DCUN1D2: variants seen among roughly 807,000 people sequenced by gnomAD.
DCUN1D2 encodes the protein DCN1-like protein 2.
Under a neutral mutation model 30.9 loss-of-function variants are expected in DCUN1D2, and 29 were observed. The observed-to-expected ratio is 0.94, with a 90% CI of 0.70 to 1.28. The LOEUF is 1.28. Among genes scored for constraint, DCUN1D2 ranks in the 50% most tolerant of loss-of-function variants. The pLI is 0.00. For synonymous variants in DCUN1D2, 121 were observed against 115.3 expected (o/e 1.05, Z -0.32); for missense variants, 325 against 316.9 (o/e 1.03, Z -0.19).
chr13:113,460,981 G>A (rs1392339536), intron 5 of DCUN1D2, 73 bp downstream of exon 5: 6 of 909,440 alleles, frequency 6.6e-6, no homozygotes, highest in Non-Finnish European at 1.0e-5. Flanking sequence ...TGAGGTGGAT[G>A]ATTACATGCA....
At chr13:113,483,760 C>T in intron 2 of DCUN1D2, 80 bp downstream of exon 2, 2 of 1,425,906 alleles carry the variant, frequency 1.4e-6, no homozygotes, top group South Asian at 1.2e-5. Context: ...CCTGCCCCGG[C>T]ACCAGAACCC....
In DCUN1D2 at chr13:113,484,043, G is replaced by A. The variant is rs369549872; in HGVS notation, c.17C>T (p.Ser6Leu). The change falls in exon 2 of 7, where the codon TCG becomes TTG. Residue 6 changes from serine to leucine, a missense_variant. Physicochemically the swap from Ser to Leu is moderately radical, Grantham distance 145 (BLOSUM62 -2). Transcript: ENST00000478244. MHKLK[S>L]SQKDKVRQFM... ...CTGGCGGACCTTGTCCTTCTGAGAC[G>A]ATTTAAGCTTATGCTTTGGGATGCA... is the stretch of plus-strand genomic sequence containing the variant. 494 of 1,613,624 alleles carry A rather than the reference G, an allele frequency of 3.1e-4. No individual in the cohort carries two copies. Among genetic ancestry groups the A allele is most frequent in the Non-Finnish European group, 3.8e-4 (452 of 1,179,978 alleles).
In DCUN1D2 at chr13:113,490,699, C is replaced by T. The variant is rs2044957596; in HGVS notation, c.-30G>A. 8.2e-7 allele frequency: 1 copy of T among 1,218,000 alleles called. No homozygotes were observed. Among genetic ancestry groups the T allele is most frequent in the Admixed American group, 4.3e-5 (1 of 23,022 alleles). The allele number at this position is 1,218,000 out of a possible 1,614,324, so 75.4% of individuals were successfully genotyped here. On this transcript the variant is annotated 5_prime_UTR_variant, in exon 1 of 7. Transcript: ENST00000478244. The surrounding 1 kb of genome is among the most constrained non-coding windows in gnomAD (Gnocchi z 5.2). The stretch of plus-strand genomic sequence containing the variant: ...CCCGCGCCGCCCGCTTCTGGCCGGC[C>T]CCGGCCTTCTGCGCAGGCGCGGCGG...
chr13:113,481,753 TCAC>T (rs2044713046), intron 2 of DCUN1D2, among the ~76,000 whole-genome samples: 2 of 151,744 alleles, frequency 1.3e-5, no homozygotes, highest in Non-Finnish European at 2.9e-5. Flanking sequence ...GCGGGGTGGC[TCAC>T]GCCTATAGTC....
intron 4 of DCUN1D2, among the ~76,000 whole-genome samples, chr13:113,463,734 A>G (rs2044355941): frequency 6.6e-6 from 1 of 152,072 alleles, no homozygotes; most frequent in Non-Finnish European, 1.5e-5. Flanking sequence ...ACAGATACAC[A>G]TAGACACACA....
chr13:113,466,797 T>G (rs1437748665), intron 4 of DCUN1D2, among the ~76,000 whole-genome samples: 1 of 143,978 alleles, frequency 6.9e-6, no homozygotes, highest in African/African-American at 2.8e-5. Context: ...TCACTGTCCT[T>G]TGGATTTTTT....
rs1045915334 is a variant in DCUN1D2, at chr13:113,456,118, A to C, written c.*1911T>G. On this transcript the variant is annotated 3_prime_UTR_variant, in exon 7 of 7. Coordinates refer to ENST00000478244, the MANE Select transcript of DCUN1D2 (RefSeq NM_001014283.2). ...GCTCACGTTTTTGAGGTTTGTATTA[A>C]TGCCAGTTTTTATTGTATTAGACAA... 2.5e-6 allele frequency: 1 copy of C among 398,274 alleles called. No individual in the cohort carries two copies. Among genetic ancestry groups the C allele is most frequent in the South Asian group, 1.3e-4 (1 of 7,610 alleles). 24.7% of individuals were successfully genotyped at this position (398,274 alleles called of 1,614,324 possible).
chr13:113,474,426 T>TG (rs1033428965), intron 3 of DCUN1D2, among the ~76,000 whole-genome samples, 172 bp from the exon 4 acceptor site: 12 of 152,058 alleles, frequency 7.9e-5, no homozygotes, highest in African/African-American at 2.2e-4. Context: ...TAAGAGAAGA[T>TG]GGGGGGGCAA....
chr13:113,490,634 C>A lies in DCUN1D2; in HGVS notation c.3+33G>T, dbSNP rs1268373512. On this transcript the variant is annotated intron_variant, in intron 1 of 6. Transcript: ENST00000478244. The surrounding 1 kb of genome is among the most constrained non-coding windows in gnomAD (Gnocchi z 5.2). ...CTTGGGGCCCGACCCCGACCCCGAC[C>A]CCGACGGGCAGAGGCGACGCCGGGC... 1.6e-6 allele frequency: 2 copies of A among 1,231,222 alleles called. No individual in the cohort carries two copies. The highest frequency in any genetic ancestry group is 2.0e-6 in the Non-Finnish European group (2 of 987,590). 76.3% of individuals were successfully genotyped at this position (1,231,222 alleles called of 1,614,324 possible).
chr13:113,485,384 T>C (rs1199205462), intron 1 of DCUN1D2, among the ~76,000 whole-genome samples: 1 of 152,180 alleles, frequency 6.6e-6, no homozygotes, highest in African/African-American at 2.4e-5. Context: ...GTGCCATTAG[T>C]ACAAGGACGT....
chr13:113,478,588 T>C (rs1461125699), intron 3 of DCUN1D2, among the ~76,000 whole-genome samples: 1 of 152,164 alleles, frequency 6.6e-6, no homozygotes, highest in Non-Finnish European at 1.5e-5. Flanking sequence ...ATTTTCAGCC[T>C]TTCCTTCTTT....
At chr13:113,481,862 T>C (rs1250725513) in intron 2 of DCUN1D2, among the ~76,000 whole-genome samples, 8 of 81,966 alleles carry the variant, frequency 9.8e-5, no homozygotes, top group African/African-American at 2.5e-4. Flanking sequence ...CCAGCCTGGG[T>C]GACAAAAAAA....
intron 5 of DCUN1D2, 49 bp from the exon 6 acceptor site, chr13:113,459,457 T>A (rs775552426): frequency 2.4e-6 from 2 of 836,470 alleles, no homozygotes; most frequent in South Asian, 2.8e-5. Context: ...AATACAGAGC[T>A]TAACTCTCAT....
chr13:113,489,302 CCT>C (rs1275158360), intron 1 of DCUN1D2: 1 of 236,412 alleles, frequency 4.2e-6, no homozygotes, highest in Non-Finnish European at 6.9e-6. Context: ...CCACTCTGCC[CCT>C]GTCCTCCTAA....
intron 1 of DCUN1D2, among the ~76,000 whole-genome samples, chr13:113,489,605 C>T (rs1289559175): frequency 2.0e-5 from 3 of 152,052 alleles, no homozygotes; most frequent in African/African-American, 7.2e-5. Flanking sequence ...CCCTCCACTC[C>T]CCTCTACACG....
At position 113,490,382 on chromosome 13, in the gene DCUN1D2, C is replaced by A; in HGVS notation, c.3+285G>T. On this transcript the variant is annotated intron_variant, in intron 1 of 6. Coordinates refer to ENST00000478244, the MANE Select transcript of DCUN1D2 (RefSeq NM_001014283.2). This position sits in a 1 kb window ranked among gnomAD's most constrained non-coding sequence, Gnocchi z 5.2. The stretch of plus-strand genomic sequence containing the variant: ...GGCCTGGGTTCCCGCTCGGCCCCGG[C>A]CCCTGCCCCAAGGCCCCTACAGTTC... The A allele has an allele frequency of 3.3e-6, 1 of 306,472 alleles. No individual in the cohort carries two copies. The highest frequency in any genetic ancestry group is 6.0e-6 in the Non-Finnish European group (1 of 167,428). 19.0% of individuals were successfully genotyped at this position (306,472 alleles called of 1,614,324 possible). A position where few individuals can be genotyped will look rare whatever the true frequency, so the allele number is the denominator to read the frequency against.
At chr13:113,484,314 A>G in intron 1 of DCUN1D2, 1 of 630,034 alleles carries the variant, frequency 1.6e-6, no homozygotes, top group Non-Finnish European at 2.4e-6. Flanking sequence ...TTCACTCTGC[A>G]TGAAGTGTGA....
At chr13:113,476,023 C>G (rs969901246) in intron 3 of DCUN1D2, 1 of 152,204 alleles carries the variant, frequency 6.6e-6, no homozygotes, top group Non-Finnish European at 1.5e-5. Context: ...TTGTGATGTC[C>G]GAGAGGTTCG....
chr13:113,482,372 A>G (rs914508687), intron 2 of DCUN1D2, among the ~76,000 whole-genome samples: 3 of 152,236 alleles, frequency 2.0e-5, no homozygotes, highest in Admixed American at 6.5e-5. Context: ...TATATATTTA[A>G]ATAACTTTTA....
Sources: gnomAD v4.1 joint callset for allele counts (sites outside exome capture counted in the v4.1 genomes callset) on GRCh38, gnomAD v4.1.1 for gene constraint, Gnocchi (gnomAD v3.1) non-coding constraint, MANE v1.5 for transcripts, NCBI Gene and HGNC (gene_info 2026-07-23, HGNC 2026-07-21) for gene names.